Variants in DIAPH3 observed in about 807,000 individuals in gnomAD.
DIAPH3 encodes protein diaphanous homolog 3.
A neutral mutation model predicts 144.3 loss-of-function variants in DIAPH3; 117 were observed. The observed-to-expected ratio is 0.81, with a 90% CI of 0.70 to 0.95. The LOEUF is 0.95. Among genes scored for constraint, DIAPH3 ranks in the 40% least tolerant of loss-of-function variants. The pLI is 0.00. For synonymous variants in DIAPH3, 519 were observed against 488.9 expected, an observed-to-expected ratio of 1.06 and a Z score of -0.81; for missense variants, 1,421 against 1,412.7, an observed-to-expected ratio of 1.01 and a Z score of -0.09.
At chr13:59,708,241 A>C (rs2138806694) in intron 27 of DIAPH3, among the ~76,000 whole-genome samples, 1 of 151,974 alleles carries the variant, frequency 6.6e-6, no homozygotes, top group East Asian at 1.9e-4. Flanking sequence ...TAAAAAAAAA[A>C]CGTTTTAGAG....
intron 27 of DIAPH3, among the ~76,000 whole-genome samples, chr13:59,763,022 G>C (rs1163076615): frequency 2.0e-5 from 3 of 152,018 alleles, no homozygotes; most frequent in African/African-American, 7.2e-5. Context: ...AGAGTTGTGA[G>C]CCAATAAACT....
In DIAPH3 at chr13:60,010,687, T is replaced by C; in HGVS notation, c.772-18A>G. 2 of 1,611,094 alleles carry C rather than the reference T, an allele frequency of 1.2e-6. No individual in the cohort carries two copies. Among genetic ancestry groups the C allele is most frequent in the Non-Finnish European group, 8.5e-7 (1 of 1,178,016 alleles). ...AAGCCATACTATAATATTTTGAAAATAAGAGGTCAAATGTTAGAAATTAGT... is the reference window on the plus strand; with the variant it reads ...AAGCCATACTATAATATTTTGAAAACAAGAGGTCAAATGTTAGAAATTAGT... On this transcript the variant is annotated intron_variant, in intron 7 of 27. Transcript: ENST00000400324.
intron 24 of DIAPH3, among the ~76,000 whole-genome samples, chr13:59,814,404 C>G (rs455161): frequency 0.68 from 103,566 of 152,064 alleles, 35,647 homozygotes; most frequent in Admixed American, 0.76. Flanking sequence ...ACCATATTCT[C>G]ATATTGTAAC....
intron 4 of DIAPH3, among the ~76,000 whole-genome samples, chr13:60,072,187 G>A (rs1213473376): frequency 3.3e-5 from 5 of 152,094 alleles, no homozygotes; most frequent in African/African-American, 1.2e-4. Context: ...ATCTCCTGAA[G>A]CAAGATACTT....
chr13:60,055,064 G>A (rs758650782), intron 4 of DIAPH3, among the ~76,000 whole-genome samples: 17 of 151,766 alleles, frequency 1.1e-4, no homozygotes, highest in Non-Finnish European at 2.2e-4. Context: ...GTATCATTAC[G>A]TGCCAAAAAC....
intron 25 of DIAPH3, among the ~76,000 whole-genome samples, chr13:59,788,850 A>G (rs1239377183): frequency 1.3e-5 from 2 of 152,246 alleles, no homozygotes; most frequent in African/African-American, 4.8e-5. Flanking sequence ...GACTTCCAGC[A>G]GCTTAGCAAT....
intron 4 of DIAPH3, among the ~76,000 whole-genome samples, chr13:60,074,961 T>C (rs938626455): frequency 6.6e-6 from 1 of 152,186 alleles, no homozygotes; most frequent in Admixed American, 6.6e-5. Flanking sequence ...CAGATCTTTA[T>C]ATGTTCAAGC....
chr13:59,968,042 A>T lies in DIAPH3; in HGVS notation c.2074+1902T>A, dbSNP rs2050155736. ...AAGGCAGAGAGAGATGGAAATATGG[A>T]GTATGCAAAAAATGATCACCTTTTC... On this transcript the variant is annotated intron_variant, in intron 17 of 27. Transcript: ENST00000400324. Among the ~76,000 whole-genome samples the T allele has an allele frequency of 2.0e-5, 3 of 152,338 alleles. No individual in the cohort carries two copies. In the South Asian group the frequency reaches 6.2e-4, roughly 32 times the overall value.
At chr13:59,719,509 G>T (rs1035417473) in intron 27 of DIAPH3, among the ~76,000 whole-genome samples, 1 of 152,050 alleles carries the variant, frequency 6.6e-6, no homozygotes, top group Non-Finnish European at 1.5e-5. Flanking sequence ...TTTCCTTGGT[G>T]GTGACATTCC....
chr13:59,790,771 A>G (rs1384666315), intron 25 of DIAPH3, among the ~76,000 whole-genome samples: 1 of 152,186 alleles, frequency 6.6e-6, no homozygotes, highest in Non-Finnish European at 1.5e-5. Context: ...AAAATGAAAG[A>G]GGAGACAACT....
At chr13:59,767,035 C>T (rs1566280384) in intron 27 of DIAPH3, among the ~76,000 whole-genome samples, 1 of 152,126 alleles carries the variant, frequency 6.6e-6, no homozygotes, top group Non-Finnish European at 1.5e-5. Context: ...GAACGCTCCT[C>T]CTCTGGCTTC....
At chr13:59,980,732 A>C in intron 14 of DIAPH3, 63 bp downstream of exon 14, 4 of 1,416,978 alleles carry the variant, frequency 2.8e-6, no homozygotes, top group Non-Finnish European at 4.0e-6. Flanking sequence ...AAATTCCCTG[A>C]GGCAGAAGCA....
intron 20 of DIAPH3, among the ~76,000 whole-genome samples, chr13:59,897,020 A>G (rs1344097737): frequency 6.6e-6 from 1 of 152,212 alleles, no homozygotes; most frequent in African/African-American, 2.4e-5. Context: ...CAAAGTATAG[A>G]AAGTCTGGAA....
At chr13:59,881,437 C>A (rs1461758254) in intron 20 of DIAPH3, among the ~76,000 whole-genome samples, 1 of 151,946 alleles carries the variant, frequency 6.6e-6, no homozygotes, top group African/African-American at 2.4e-5. Flanking sequence ...AGAAGAAATT[C>A]TCCAGTATTC....
At chr13:60,008,969 C>T (rs34884809) in intron 8 of DIAPH3, among the ~76,000 whole-genome samples, 14 of 152,168 alleles carry the variant, frequency 9.2e-5, no homozygotes, top group African/African-American at 3.4e-4. Context: ...CTATAATTAA[C>T]CCGTATTATA....
intron 13 of DIAPH3, among the ~76,000 whole-genome samples, chr13:59,982,966 C>G (rs907550294): frequency 2.0e-5 from 3 of 151,272 alleles, no homozygotes; most frequent in Admixed American, 1.3e-4. Flanking sequence ...ACAAGTTTTC[C>G]AAAATTCAAA....
chr13:59,879,024 T>G (rs1353215064), intron 21 of DIAPH3, among the ~76,000 whole-genome samples: 1 of 152,162 alleles, frequency 6.6e-6, no homozygotes, highest in Non-Finnish European at 1.5e-5. Flanking sequence ...GAATTGGATT[T>G]GCAGATTGAA....
At position 59,992,620 on chromosome 13, in the gene DIAPH3, C is replaced by A. The variant is rs1316643785; in HGVS notation, c.1015-37G>T. 3.3e-6 allele frequency: 5 copies of A among 1,510,746 alleles called. No individual in the cohort carries two copies. The South Asian group carries it at 4.5e-5, about 14-fold the overall frequency. The allele number at this position is 1,510,746 out of a possible 1,614,324, so 93.6% of individuals were successfully genotyped here. A position where few individuals can be genotyped will look rare whatever the true frequency, so the allele number is the denominator to read the frequency against. On this transcript the variant is annotated intron_variant, in intron 9 of 27. Transcript: ENST00000400324. ...CAAACAGTGAGACAGACTGGGTTTC[C>A]AACATTAAAGAAAGAGTAACAAACG...
chr13:59,952,492 A>G (rs2049152602), intron 17 of DIAPH3, among the ~76,000 whole-genome samples: 1 of 152,128 alleles, frequency 6.6e-6, no homozygotes, highest in Admixed American at 6.6e-5. Flanking sequence ...GTAGACACCA[A>G]TCAGGGTGCA....
Sources: gnomAD v4.1 joint callset for allele counts (sites outside exome capture counted in the v4.1 genomes callset) on GRCh38, gnomAD v4.1.1 for gene constraint, MANE v1.5 for transcripts, NCBI Gene and HGNC (gene_info 2026-07-23, HGNC 2026-07-21) for gene names.